The following SEC24D variants were observed in gnomAD, a reference collection of about 807,000 sequenced individuals.
The protein encoded by SEC24D is SEC24 homolog D, COPII component.
SEC24D carries 69 observed loss-of-function variants against 116.9 expected under a neutral mutation model. The observed-to-expected ratio is 0.59, with a 90% confidence interval of 0.49 to 0.72. The LOEUF is 0.72. Among genes scored for constraint, SEC24D ranks in the 30% least tolerant of loss-of-function variants. The pLI is 0.00. For synonymous variants in SEC24D, 405 were observed against 442.8 expected, an observed-to-expected ratio of 0.91 and a Z score of 1.07; for missense variants, 1,131 against 1,264.1, an observed-to-expected ratio of 0.89 and a Z score of 1.60.
Position 118,741,151 on chromosome 4 carries a change from A to T in SEC24D, c.1996-114T>A, listed in dbSNP as rs185572459. 1.5e-3 allele frequency: 803 copies of T among 547,266 alleles called. 4 individuals carry two copies. The highest frequency in any genetic ancestry group is 0.014 in the African/African-American group (710 of 52,326). The allele number at this position is 547,266 out of a possible 1,614,324, so 33.9% of individuals were successfully genotyped here. The stretch of plus-strand genomic sequence containing the variant: ...TATTTTTAAAATCCCGATTTAGCAT[A>T]TTTTTTTATTATATATTATGCTTCT... On this transcript the variant is annotated intron_variant, in intron 15 of 22. Transcript: ENST00000280551.
chr4:118,737,463 C>G (rs1264778914), intron 19 of SEC24D, among the ~76,000 whole-genome samples: 1 of 152,166 alleles, frequency 6.6e-6, no homozygotes, highest in East Asian at 1.9e-4. Flanking sequence ...TCTGCATTAT[C>G]TTTCCTGCTG....
Position 118,751,208 on chromosome 4 carries a change from C to T in SEC24D, c.1707+788G>A, listed in dbSNP as rs181756966. 8.6e-3 allele frequency among the ~76,000 whole-genome samples: 605 copies of T among 70,528 alleles called. 2 individuals are homozygous for T. The highest frequency in any genetic ancestry group is 0.028 in the African/African-American group (565 of 20,390). The allele number at this position is 70,528 out of a possible 152,430, so 46.3% of individuals were successfully genotyped here. ...TTTTTTTTTTTTTGAGATGTAGTTT[C>T]GCTCTTGTTGCCCAGGCTGGAGTGC... On this transcript the variant is annotated intron_variant, in intron 13 of 22. Transcript: ENST00000280551.
rs1257233054 is a variant in SEC24D, at chr4:118,787,523, A to G, written c.1041+10160T>C. ...ATCTTCATGTGTTCTTTTTATTTTT[A>G]AAGTTGAGGCTGGATGTGGTGGCTC... is the stretch of plus-strand genomic sequence containing the variant. On this transcript the variant is annotated intron_variant, in intron 8 of 22. Coordinates refer to ENST00000280551, the MANE Select transcript of SEC24D (RefSeq NM_014822.4). Among the ~76,000 whole-genome samples the G allele has an allele frequency of 2.6e-5, 4 of 152,290 alleles. No homozygotes were observed. The East Asian group carries it at 7.7e-4, about 29-fold the overall frequency.
intron 3 of SEC24D, among the ~76,000 whole-genome samples, chr4:118,819,436 C>T (rs1730295970): frequency 6.9e-6 from 1 of 144,098 alleles, no homozygotes; most frequent in Admixed American, 7.7e-5. Context: ...GAGCCTGAGG[C>T]AGGAGAATGG....
chr4:118,789,676 C>G (rs1295819247), intron 8 of SEC24D, among the ~76,000 whole-genome samples: 1 of 152,204 alleles, frequency 6.6e-6, no homozygotes, highest in African/African-American at 2.4e-5. Flanking sequence ...CCTCTGCCTC[C>G]CGGGTTTAAG....
chr4:118,741,696 G>A (rs138331862), intron 15 of SEC24D, among the ~76,000 whole-genome samples: 1,698 of 152,246 alleles, frequency 0.011, 28 homozygotes, highest in African/African-American at 0.039. Context: ...AGACACTGAC[G>A]CACGCATCTC....
chr4:118,737,988 C>T (rs993935682), intron 19 of SEC24D: 5 of 268,782 alleles, frequency 1.9e-5, no homozygotes, highest in Non-Finnish European at 3.5e-5. Flanking sequence ...TATATTAGGA[C>T]ACTTCTTACA....
At chr4:118,770,740 G>A (rs1008966319) in intron 8 of SEC24D, among the ~76,000 whole-genome samples, 2 of 152,164 alleles carry the variant, frequency 1.3e-5, no homozygotes, top group African/African-American at 4.8e-5. Context: ...AAATTACTGT[G>A]AAATTGTCGG....
intron 13 of SEC24D, among the ~76,000 whole-genome samples, chr4:118,747,597 A>T (rs547064007): frequency 1.9e-3 from 287 of 152,138 alleles, no homozygotes; most frequent in African/African-American, 4.7e-3. Flanking sequence ...AAATACTTTT[A>T]AAAAAATTCA....
chr4:118,731,601 C>A, intron 20 of SEC24D, 94 bp from the exon 21 acceptor site: 1 of 985,828 alleles, frequency 1.0e-6, no homozygotes, highest in Admixed American at 1.8e-5. Flanking sequence ...CCTCCCCTCC[C>A]TCAATGCATA....
intron 8 of SEC24D, among the ~76,000 whole-genome samples, chr4:118,790,495 A>G (rs1728847729): frequency 6.6e-6 from 1 of 152,228 alleles, no homozygotes; most frequent in Non-Finnish European, 1.5e-5. Context: ...TTACTAAACA[A>G]AAGGGTTTAC....
chr4:118,768,080 G>GA, intron 9 of SEC24D, 93 bp downstream of exon 9: 2 of 1,111,380 alleles, frequency 1.8e-6, no homozygotes, highest in Non-Finnish European at 2.6e-6. Flanking sequence ...CTATATAGCA[G>GA]AAAAAAGAAT....
chr4:118,732,131 G>A (rs1725720910), intron 20 of SEC24D, among the ~76,000 whole-genome samples: 1 of 151,934 alleles, frequency 6.6e-6, no homozygotes, highest in Non-Finnish European at 1.5e-5. Context: ...AGTAATACGA[G>A]CTGACAATTT....
chr4:118,815,743 AC>A lies in SEC24D; in HGVS notation c.398-18del. 1 of 1,611,764 alleles carries A rather than the reference AC, an allele frequency of 6.2e-7. No individual in the cohort carries two copies. The highest frequency in any genetic ancestry group is 1.1e-5 in the South Asian group (1 of 91,022). ...TGCCTGAACCTGTGTGAGAAAGGAG[AC>A]CAGCCCACTTAAATACCACATTTCT... On this transcript the variant is annotated intron_variant, in intron 4 of 22. Coordinates refer to ENST00000280551, the MANE Select transcript of SEC24D (RefSeq NM_014822.4).
intron 13 of SEC24D, 53 bp from the exon 14 acceptor site, chr4:118,745,113 A>C: frequency 2.1e-6 from 2 of 934,554 alleles, no homozygotes; most frequent in Non-Finnish European, 3.4e-6. Flanking sequence ...GAGTAGGAAC[A>C]TTTTAAGAGA....
chr4:118,809,606 G>A (rs1729819049), intron 6 of SEC24D, among the ~76,000 whole-genome samples: 1 of 152,054 alleles, frequency 6.6e-6, no homozygotes, highest in Non-Finnish European at 1.5e-5. Context: ...GTATTATAAG[G>A]GTCCTGGATG....
rs551713214 is a variant in SEC24D, at chr4:118,769,198, GA to G, written c.1042-888del. On this transcript the variant is annotated intron_variant, in intron 8 of 22. Transcript: ENST00000280551. Reference sequence around the variant, plus strand: ...GTTTATCAGAAAAAAACGTTTCACAGAATACTCACAGTGTAGCTGGCCATGC... The same window carrying G: ...GTTTATCAGAAAAAAACGTTTCACAGATACTCACAGTGTAGCTGGCCATGC... Among the ~76,000 whole-genome samples, 3 of 152,276 alleles carry G rather than the reference GA, an allele frequency of 2.0e-5. No homozygotes were observed. In the South Asian group the frequency reaches 6.2e-4, roughly 32 times the overall value.
At chr4:118,791,164 T>C (rs1352002549) in intron 8 of SEC24D, among the ~76,000 whole-genome samples, 1 of 152,140 alleles carries the variant, frequency 6.6e-6, no homozygotes, top group Non-Finnish European at 1.5e-5. Flanking sequence ...CTTATTGATA[T>C]GTGGAAAAAT....
intron 6 of SEC24D, 121 bp downstream of exon 6, chr4:118,814,907 T>G: frequency 9.1e-7 from 1 of 1,098,318 alleles, no homozygotes. Flanking sequence ...TCCCTCTATG[T>G]GATGAGTATC....
Sources: allele counts gnomAD v4.1 joint callset (sites outside exome capture counted in the v4.1 genomes callset), GRCh38; gene constraint gnomAD v4.1.1; transcripts MANE v1.5; gene names NCBI Gene and HGNC (gene_info 2026-07-23, HGNC 2026-07-21).